The following DRD2 variants were observed in gnomAD, a reference collection of about 807,000 sequenced individuals.
DRD2 encodes dopamine receptor D2.
Under a neutral mutation model 38.0 loss-of-function variants are expected in DRD2, and 8 were observed. That is an observed-to-expected ratio of 0.21 (90% confidence interval 0.12 to 0.38). The LOEUF is 0.38. DRD2 is among the 10% of genes least tolerant of loss of function. DRD2 has a pLI of 1.00. For synonymous variants in DRD2, 230 were observed against 238.6 expected (o/e 0.96, Z 0.33); for missense variants, 403 against 607.7 (o/e 0.66, Z 3.54).
At chr11:113,416,324 C>G (rs1315456377) in intron 4 of DRD2, among the ~76,000 whole-genome samples, 2 of 152,180 alleles carry the variant, frequency 1.3e-5, no homozygotes. Flanking sequence ...TTTGTGTTGC[C>G]TCTGTCTGAG....
intron 7 of DRD2, chr11:113,411,558 C>T (rs977829321): frequency 6.5e-6 from 1 of 152,960 alleles, no homozygotes; most frequent in African/African-American, 2.4e-5. Context: ...ACCTCCTGCA[C>T]AGGTGTGATA....
intron 1 of DRD2, among the ~76,000 whole-genome samples, chr11:113,474,591 A>G (rs1951461085): frequency 6.6e-6 from 1 of 152,190 alleles, no homozygotes; most frequent in African/African-American, 2.4e-5. Flanking sequence ...TAGAAACTGA[A>G]AAGGGTCAGG....
chr11:113,436,015 C>T (rs907999554), intron 1 of DRD2, among the ~76,000 whole-genome samples: 2 of 152,188 alleles, frequency 1.3e-5, no homozygotes, highest in South Asian at 2.1e-4. Context: ...GCACAACCCA[C>T]GATCACACTG....
chr11:113,464,036 A>T (rs1029899362), intron 1 of DRD2, among the ~76,000 whole-genome samples: 8 of 152,196 alleles, frequency 5.3e-5, no homozygotes, highest in African/African-American at 1.9e-4. Flanking sequence ...ATGGATGTCC[A>T]CAGATCCATT....
chr11:113,451,646 A>G (rs924921829), intron 1 of DRD2, among the ~76,000 whole-genome samples: 16 of 151,830 alleles, frequency 1.1e-4, no homozygotes, highest in African/African-American at 3.6e-4. Context: ...ACCTGCTACC[A>G]CGCCCGGCTA....
rs534417919 is a variant in DRD2 at position 113,419,877 on chromosome 11, C to T, written c.286-1741G>A. ...GCAGAAACAGCAGCTTGCCCCAGAA[C>T]ACAGCAAGCCTCTCATGCGGCACTG... On this transcript the variant is annotated intron_variant, in intron 2 of 7. Coordinates refer to ENST00000362072, the MANE Select transcript of DRD2 (RefSeq NM_000795.4). 7.9e-5 allele frequency among the ~76,000 whole-genome samples: 12 copies of T among 152,348 alleles called. No individual in the cohort carries two copies. In the South Asian group the frequency reaches 8.3e-4, roughly 11 times the overall value.
intron 1 of DRD2, among the ~76,000 whole-genome samples, chr11:113,453,333 A>G (rs1329212390): frequency 2.6e-5 from 4 of 152,140 alleles, no homozygotes; most frequent in Non-Finnish European, 5.9e-5. Context: ...AGTTGTACAG[A>G]TTGAGTTGTT....
intron 2 of DRD2, among the ~76,000 whole-genome samples, chr11:113,419,279 A>T (rs1023674114): frequency 2.6e-5 from 4 of 152,214 alleles, no homozygotes; most frequent in African/African-American, 9.6e-5. Flanking sequence ...GCTCCTTCTT[A>T]TACCCAGAGA....
chr11:113,413,842 C>G (rs1466507379), intron 6 of DRD2: 2 of 221,280 alleles, frequency 9.0e-6, no homozygotes, highest in Non-Finnish European at 1.8e-5. Flanking sequence ...GCTCCGCCAC[C>G]AGTCCCCGCA....
At position 113,426,169 on chromosome 11, in the gene DRD2, T is replaced by C. The variant is rs199833975; in HGVS notation, c.-31-1487A>G. ...TGCAAGTCAATTTCATGGTCCTTGG[T>C]CCTTGGATAGGTGTGGGGCAAAAGT... On this transcript the variant is annotated intron_variant, in intron 1 of 7. Transcript: ENST00000362072. Among the ~76,000 whole-genome samples the C allele has an allele frequency of 5.9e-5, 9 of 152,194 alleles. No individual in the cohort carries two copies. The East Asian group carries it at 1.7e-3, about 30-fold the overall frequency.
chr11:113,473,510 T>C (rs1951448370), intron 1 of DRD2, among the ~76,000 whole-genome samples: 1 of 152,196 alleles, frequency 6.6e-6, no homozygotes, highest in African/African-American at 2.4e-5. Flanking sequence ...TCTGGGCACC[T>C]CAGGCTGTGC....
In DRD2 at chr11:113,418,315, G is replaced by A. The variant is rs1107162; in HGVS notation, c.286-179C>T. ...TGGGTGTCTGAGGCCCTTGCCCCTC[G>A]CTTATCTTCTCCCAGATACATAAGA... On this transcript the variant is annotated intron_variant, in intron 2 of 7. Coordinates refer to ENST00000362072, the MANE Select transcript of DRD2 (RefSeq NM_000795.4). Among the ~76,000 whole-genome samples, 66,770 of 151,972 alleles carry A rather than the reference G, an allele frequency of 0.44. 17,345 individuals carry two copies. Among genetic ancestry groups the A allele is most frequent in the Non-Finnish European group, 0.6 (40,866 of 67,942 alleles).
At chr11:113,423,382 TCTC>T (rs1473077839) in intron 2 of DRD2, among the ~76,000 whole-genome samples, 1 of 152,102 alleles carries the variant, frequency 6.6e-6, no homozygotes, top group African/African-American at 2.4e-5. Flanking sequence ...TTCAAGCAAT[TCTC>T]CTGCCTCAGC....
At chr11:113,428,075 C>T (rs967514216) in intron 1 of DRD2, among the ~76,000 whole-genome samples, 2 of 152,182 alleles carry the variant, frequency 1.3e-5, no homozygotes, top group Non-Finnish European at 2.9e-5. Context: ...ACGTCCCAGC[C>T]TCCAGAACTA....
At chr11:113,426,380 G>A (rs1278661808) in intron 1 of DRD2, among the ~76,000 whole-genome samples, 1 of 152,144 alleles carries the variant, frequency 6.6e-6, no homozygotes, top group Admixed American at 6.5e-5. Context: ...GAAGCATAAT[G>A]CATGGATAAT....
chr11:113,433,092 T>C (rs1437854224), intron 1 of DRD2, among the ~76,000 whole-genome samples: 1 of 151,076 alleles, frequency 6.6e-6, no homozygotes, highest in African/African-American at 2.4e-5. Flanking sequence ...GGAGCTGGGG[T>C]GTGGAGGGTC....
intron 1 of DRD2, among the ~76,000 whole-genome samples, chr11:113,467,165 G>A (rs1951378568): frequency 6.6e-6 from 1 of 152,160 alleles, no homozygotes. Context: ...AGAGTTGAAA[G>A]GGCTGAGTCC....
chr11:113,463,389 C>T (rs1213470002), intron 1 of DRD2, among the ~76,000 whole-genome samples: 2 of 152,278 alleles, frequency 1.3e-5, no homozygotes, highest in East Asian at 1.9e-4. Flanking sequence ...GTGTCAGGGA[C>T]GGGTCCCAGA....
intron 2 of DRD2, among the ~76,000 whole-genome samples, chr11:113,418,703 A>G (rs539089355): frequency 6.6e-6 from 1 of 152,140 alleles, no homozygotes; most frequent in African/African-American, 2.4e-5. Flanking sequence ...CCCTGTCCCA[A>G]ATTATCTCAG....
Sources: allele counts gnomAD v4.1 joint callset (sites outside exome capture counted in the v4.1 genomes callset), GRCh38; gene constraint gnomAD v4.1.1; transcripts MANE v1.5; gene names NCBI Gene and HGNC (gene_info 2026-07-23, HGNC 2026-07-21).